The following CNTNAP5 variants were observed in gnomAD, a reference collection of about 807,000 sequenced individuals.
The protein encoded by CNTNAP5 is contactin associated protein family member 5, also known as contactin-associated protein-like 5.
In CNTNAP5, 72 loss-of-function variants were observed where a neutral mutation model predicts 150.2. The observed-to-expected ratio is 0.48, with a 90% CI of 0.40 to 0.58. CNTNAP5 has a LOEUF of 0.58. CNTNAP5 is among the 20% of genes least tolerant of loss of function. The pLI is 0.00. For missense variants in CNTNAP5, 1,636 were observed against 1,626.2 expected (o/e 1.01, Z -0.10); for synonymous variants, 672 against 619.8 (o/e 1.08, Z -1.25).
Position 124,909,681 on chromosome 2 carries a change from T to C in CNTNAP5, c.3656-1786T>C, listed in dbSNP as rs553706904. 2.0e-5 allele frequency among the ~76,000 whole-genome samples: 3 copies of C among 150,992 alleles called. No individual in the cohort carries two copies. In the South Asian group the frequency reaches 6.3e-4, roughly 32 times the overall value. On this transcript the variant is annotated intron_variant, in intron 22 of 23. Transcript: ENST00000682447. ...TTCTTTCCTCCTTGTCTTCTACCCA[T>C]CTTTTACCATACCTCATCCCCTCTC... is the stretch of plus-strand genomic sequence containing the variant.
intron 3 of CNTNAP5, among the ~76,000 whole-genome samples, chr2:124,297,135 G>A (rs1413497069): frequency 6.6e-6 from 1 of 152,176 alleles, no homozygotes; most frequent in African/African-American, 2.4e-5. Context: ...CCTATCCACA[G>A]AAAGTTAGAG....
At chr2:124,338,505 A>C (rs1276650822) in intron 3 of CNTNAP5, among the ~76,000 whole-genome samples, 1 of 152,096 alleles carries the variant, frequency 6.6e-6, no homozygotes, top group Admixed American at 6.6e-5. Flanking sequence ...GTGTTGAGAA[A>C]GTCTAATGCC....
At chr2:124,863,513 G>T (rs968588360) in intron 19 of CNTNAP5, among the ~76,000 whole-genome samples, 7 of 152,210 alleles carry the variant, frequency 4.6e-5, no homozygotes, top group African/African-American at 1.4e-4. Flanking sequence ...AGGAAAACCA[G>T]GACCAGGTAT....
intron 12 of CNTNAP5, among the ~76,000 whole-genome samples, chr2:124,619,214 T>C (rs1184712758): frequency 6.6e-6 from 1 of 151,876 alleles, no homozygotes; most frequent in African/African-American, 2.4e-5. Context: ...TAGGGAAAGA[T>C]GCATTTGAGA....
At chr2:124,866,758 C>G (rs1677640584) in intron 20 of CNTNAP5, among the ~76,000 whole-genome samples, 1 of 152,018 alleles carries the variant, frequency 6.6e-6, no homozygotes, top group African/African-American at 2.4e-5. Flanking sequence ...AAATCATGAC[C>G]CTCAGCAAGC....
At chr2:124,902,543 A>G (rs867912767) in intron 21 of CNTNAP5, among the ~76,000 whole-genome samples, 1 of 152,332 alleles carries the variant, frequency 6.6e-6, no homozygotes, top group Middle Eastern at 3.4e-3. Context: ...AGATAATGAT[A>G]CAAATTTTAT....
At chr2:124,105,487 C>T (rs78046334) in intron 1 of CNTNAP5, among the ~76,000 whole-genome samples, 7,417 of 152,220 alleles carry the variant, frequency 0.049, 291 homozygotes, top group South Asian at 0.15. Flanking sequence ...TTTCCTAATA[C>T]TTTCATGTAA....
In CNTNAP5 at chr2:124,500,064, A is replaced by AT. The variant is rs146110549; in HGVS notation, c.1063-4228_1063-4227insT. ...GGAGCCAAGAGGAAGGAAAAAAAAAAGTACAAATTCCTCCTTCCTGTGCAT... is the reference window on the plus strand; with the variant it reads ...GGAGCCAAGAGGAAGGAAAAAAAAAATGTACAAATTCCTCCTTCCTGTGCAT... On this transcript the variant is annotated intron_variant, in intron 7 of 23. Transcript: ENST00000682447. Among the ~76,000 whole-genome samples, 6 of 152,018 alleles carry AT rather than the reference A, an allele frequency of 3.9e-5. No individual in the cohort carries two copies. In the South Asian group the frequency reaches 6.2e-4, roughly 16 times the overall value.
At chr2:124,752,406 C>T (rs1680746856) in intron 14 of CNTNAP5, among the ~76,000 whole-genome samples, 1 of 151,770 alleles carries the variant, frequency 6.6e-6, no homozygotes, top group African/African-American at 2.4e-5. Flanking sequence ...TTCAATAAGA[C>T]CCAAGTAAAT....
At chr2:124,043,317 C>G (rs1681438093) in intron 1 of CNTNAP5, among the ~76,000 whole-genome samples, 1 of 152,138 alleles carries the variant, frequency 6.6e-6, no homozygotes, top group Non-Finnish European at 1.5e-5. Flanking sequence ...AGCTCAGTTC[C>G]TCAACAAAAA....
chr2:124,123,614 GTCCCTGAC>G (rs1368321827), intron 1 of CNTNAP5, among the ~76,000 whole-genome samples: 7 of 152,254 alleles, frequency 4.6e-5, no homozygotes, highest in African/African-American at 1.7e-4. Context: ...CCTCAAGTGG[GTCCCTGAC>G]CCCCGAGTAG....
chr2:124,204,672 G>A (rs1006705645), intron 1 of CNTNAP5, among the ~76,000 whole-genome samples: 1 of 152,194 alleles, frequency 6.6e-6, no homozygotes, highest in Admixed American at 6.5e-5. Flanking sequence ...ATCTTACATG[G>A]TGGAAGGCAA....
chr2:124,218,865 C>T (rs979837807), intron 1 of CNTNAP5, among the ~76,000 whole-genome samples: 1 of 152,116 alleles, frequency 6.6e-6, no homozygotes, highest in Non-Finnish European at 1.5e-5. Context: ...TAAATTTCCT[C>T]ATCAGTTTAT....
chr2:124,910,922 G>A (rs530114192), intron 22 of CNTNAP5, among the ~76,000 whole-genome samples: 4 of 151,796 alleles, frequency 2.6e-5, no homozygotes, highest in Non-Finnish European at 5.9e-5. Context: ...ACAAACAACA[G>A]AGCAAAGACT....
At chr2:124,094,868 G>T (rs1682898752) in intron 1 of CNTNAP5, among the ~76,000 whole-genome samples, 1 of 152,146 alleles carries the variant, frequency 6.6e-6, no homozygotes, top group Non-Finnish European at 1.5e-5. Flanking sequence ...CCAGGGGTCA[G>T]TGTGAGACTA....
chr2:124,633,861 G>A (rs72845015), intron 12 of CNTNAP5, among the ~76,000 whole-genome samples: 3,339 of 152,128 alleles, frequency 0.022, 47 homozygotes, highest in Middle Eastern at 0.037. Context: ...CTTATGGCTC[G>A]CACCCTTTGA....
intron 14 of CNTNAP5, 141 bp downstream of exon 14, chr2:124,747,526 T>A: frequency 1.1e-6 from 1 of 922,904 alleles, no homozygotes; most frequent in South Asian, 1.5e-5. Flanking sequence ...TTTTTAACCT[T>A]AAAAATGGTA....
chr2:124,869,893 G>C (rs988950505), intron 21 of CNTNAP5, 131 bp downstream of exon 21: 7 of 483,388 alleles, frequency 1.4e-5, no homozygotes, highest in East Asian at 9.3e-5. Context: ...CTGAAACCAA[G>C]ATTTCTTATT....
At chr2:124,072,934 A>G (rs975325876) in intron 1 of CNTNAP5, among the ~76,000 whole-genome samples, 1 of 152,166 alleles carries the variant, frequency 6.6e-6, no homozygotes, top group African/African-American at 2.4e-5. Context: ...AACTGGAGGA[A>G]TCACATTACA....
Sources: gnomAD v4.1 joint callset for allele counts (sites outside exome capture counted in the v4.1 genomes callset) on GRCh38, gnomAD v4.1.1 for gene constraint, MANE v1.5 for transcripts, NCBI Gene and HGNC (gene_info 2026-07-23, HGNC 2026-07-21) for gene names.